Variants in IGSF5 observed in about 807,000 individuals in gnomAD.
The protein encoded by IGSF5 is immunoglobulin superfamily member 5, also known as immunoglobulin superfamily 5 like.
In IGSF5, 41 loss-of-function variants were observed where a neutral mutation model predicts 39.4. That is an observed-to-expected ratio of 1.04 (90% CI 0.81 to 1.35). The LOEUF (loss-of-function observed/expected upper bound fraction) is 1.35, where lower values mean the gene tolerates loss of function less well. Ranked by LOEUF, IGSF5 falls within the 40% of genes most tolerant of loss-of-function variation. The probability of loss-of-function intolerance (pLI) is 0.00; values close to 1 mark genes in which losing one functional copy is unlikely to be tolerated. For synonymous variants in IGSF5, 183 were observed against 175.3 expected, an observed-to-expected ratio of 1.04 and a Z score of -0.34; for missense variants, 487 against 494.6, an observed-to-expected ratio of 0.98 and a Z score of 0.15.
intron 4 of IGSF5, among the ~76,000 whole-genome samples, chr21:39,774,487 G>T (rs1325973291): frequency 6.6e-6 from 1 of 152,202 alleles, no homozygotes; most frequent in Admixed American, 6.5e-5. Flanking sequence ...AGTACTTCCT[G>T]GTTTATAGTT....
the IGSF5 span, among the ~76,000 whole-genome samples, chr21:39,733,394 C>G: frequency 2.8e-4 from 42 of 152,080 alleles, no homozygotes; most frequent in Non-Finnish European, 5.9e-5. Context: ...CTATATAATA[C>G]ATGAAAGTAC....
At chr21:39,783,211 C>T (rs1307638808) in intron 5 of IGSF5, among the ~76,000 whole-genome samples, 1 of 152,090 alleles carries the variant, frequency 6.6e-6, no homozygotes, top group Non-Finnish European at 1.5e-5. Flanking sequence ...CTTTGACATA[C>T]TGATTTCAAT....
chr21:39,763,497 G>T (rs903224029), intron 2 of IGSF5, among the ~76,000 whole-genome samples: 4 of 152,236 alleles, frequency 2.6e-5, no homozygotes, highest in Non-Finnish European at 5.9e-5. Flanking sequence ...TGCACAGATT[G>T]TATGATTCCG....
chr21:39,747,185 G>A (rs912943686), intron 2 of IGSF5, among the ~76,000 whole-genome samples: 1 of 152,178 alleles, frequency 6.6e-6, no homozygotes, highest in African/African-American at 2.4e-5. Flanking sequence ...TCACAATCAT[G>A]GCCGAAGGTG....
At chr21:39,738,334 C>A in the IGSF5 span, among the ~76,000 whole-genome samples, 2 of 152,166 alleles carry the variant, frequency 1.3e-5, no homozygotes, top group African/African-American at 2.4e-5. The surrounding 1 kb of genome is among the most constrained non-coding windows in gnomAD (Gnocchi z 6.4). Context: ...ACCATGAGAA[C>A]AGTATGGGGG....
At chr21:39,793,463 A>C in intron 7 of IGSF5, 71 bp from the exon 8 acceptor site, 1 of 1,179,618 alleles carries the variant, frequency 8.5e-7, no homozygotes, top group Non-Finnish European at 1.3e-6. Flanking sequence ...TTTCTTTATA[A>C]ATCAGAATTG....
At chr21:39,769,329 C>T (rs2080102295) in intron 3 of IGSF5, among the ~76,000 whole-genome samples, 2 of 151,710 alleles carry the variant, frequency 1.3e-5, no homozygotes, top group South Asian at 4.2e-4. Context: ...GTGCTGGGCG[C>T]GGTGGCTTAT....
At chr21:39,787,928 C>T (rs2086933737) in intron 5 of IGSF5, among the ~76,000 whole-genome samples, 1 of 152,100 alleles carries the variant, frequency 6.6e-6, no homozygotes, top group African/African-American at 2.4e-5. Context: ...AAGTACTATA[C>T]AGTCTGTATT....
Position 39,765,519 on chromosome 21 carries a change from A to G in IGSF5, c.101-16A>G, listed in dbSNP as rs748497176. The G allele has an allele frequency of 1.9e-6, 3 of 1,603,864 alleles. No homozygotes were observed. On this transcript the variant is annotated splice_polypyrimidine_tract_variant and intron_variant, in intron 2 of 8. Coordinates refer to ENST00000380588, the MANE Select transcript of IGSF5 (RefSeq NM_001080444.2). ...ATCCATTCATTTAACAACTTGAAAAATTGGCTACCTTCCAGGTTCTGGGTC... is the reference window on the plus strand; with the variant it reads ...ATCCATTCATTTAACAACTTGAAAAGTTGGCTACCTTCCAGGTTCTGGGTC...
intron 2 of IGSF5, among the ~76,000 whole-genome samples, chr21:39,760,293 A>G (rs1459474696): frequency 2.6e-5 from 4 of 152,174 alleles, no homozygotes; most frequent in Non-Finnish European, 5.9e-5. Context: ...ATTGAGCAAA[A>G]CCAGGCATTG....
the IGSF5 span, chr21:39,730,119 G>C: frequency 6.6e-6 from 1 of 152,206 alleles, no homozygotes; most frequent in African/African-American, 2.4e-5. Flanking sequence ...AAACCTAGGA[G>C]GGAAGGATGC....
intron 8 of IGSF5, among the ~76,000 whole-genome samples, chr21:39,798,432 G>A (rs79042967): frequency 3.3e-5 from 5 of 152,240 alleles, no homozygotes; most frequent in Admixed American, 6.5e-5. Context: ...CTGTATTTCC[G>A]CAAGTAGAGG....
the IGSF5 span, among the ~76,000 whole-genome samples, chr21:39,737,841 C>G: frequency 2.0e-5 from 3 of 152,208 alleles, no homozygotes; most frequent in Non-Finnish European, 4.4e-5. Context: ...CTGCAGCATT[C>G]CTTCCTCCAA....
intron 5 of IGSF5, among the ~76,000 whole-genome samples, chr21:39,785,543 C>T (rs2080196285): frequency 6.6e-6 from 1 of 152,042 alleles, no homozygotes; most frequent in African/African-American, 2.4e-5. Context: ...GATGTGGGCT[C>T]TTTTTTGGTT....
chr21:39,751,831 G>C (rs1056430234), intron 2 of IGSF5, among the ~76,000 whole-genome samples: 2 of 152,114 alleles, frequency 1.3e-5, no homozygotes, highest in Non-Finnish European at 2.9e-5. Flanking sequence ...CTTAGGGAAA[G>C]TAGAATTCTC....
chr21:39,765,936 A>C, intron 3 of IGSF5, 84 bp downstream of exon 3: 1 of 1,243,012 alleles, frequency 8.0e-7, no homozygotes. Context: ...GCCGCGTATG[A>C]TGGCAGACGT....
intron 2 of IGSF5, among the ~76,000 whole-genome samples, chr21:39,762,020 C>T (rs1042020916): frequency 5.9e-5 from 9 of 152,076 alleles, no homozygotes; most frequent in Non-Finnish European, 1.2e-4. Context: ...CTCGGAGATG[C>T]CTGGTAGGAC....
At chr21:39,736,133 C>T in the IGSF5 span, among the ~76,000 whole-genome samples, 1 of 152,040 alleles carries the variant, frequency 6.6e-6, no homozygotes, top group Non-Finnish European at 1.5e-5. Context: ...CCTGCTGCCT[C>T]GATACCCATC....
At chr21:39,794,083 G>A (rs1378268388) in intron 8 of IGSF5, among the ~76,000 whole-genome samples, 2 of 152,194 alleles carry the variant, frequency 1.3e-5, no homozygotes, top group Non-Finnish European at 2.9e-5. Context: ...CAGAGAAAAT[G>A]TAGTTTGCTC....
Sources: allele counts gnomAD v4.1 joint callset (sites outside exome capture counted in the v4.1 genomes callset), GRCh38; gene constraint gnomAD v4.1.1; non-coding constraint Gnocchi (gnomAD v3.1); transcripts MANE v1.5; gene names NCBI Gene and HGNC (gene_info 2026-07-23, HGNC 2026-07-21).